Variants in LRRTM4 observed in about 807,000 individuals in gnomAD.
LRRTM4 encodes leucine-rich repeat transmembrane neuronal protein 4.
In LRRTM4, 25 loss-of-function variants were observed where a neutral mutation model predicts 47.6. The ratio of observed to expected loss-of-function variants is 0.53; its 90% confidence interval spans 0.38 to 0.73. LRRTM4 has a LOEUF of 0.73. Among genes scored for constraint, LRRTM4 ranks in the 30% least tolerant of loss-of-function variants. The pLI is 0.00. For missense variants in LRRTM4, 638 were observed against 713.4 expected (o/e 0.89, Z 1.20); for synonymous variants, 311 against 269.5 (o/e 1.15, Z -1.51).
At chr2:76,823,148 T>A (rs1264047964) in intron 3 of LRRTM4, among the ~76,000 whole-genome samples, 2 of 151,382 alleles carry the variant, frequency 1.3e-5, no homozygotes, top group African/African-American at 4.8e-5. Flanking sequence ...CATATTAATC[T>A]TGATGCCATG....
At chr2:76,911,435 C>A (rs925235824) in intron 3 of LRRTM4, among the ~76,000 whole-genome samples, 7 of 152,198 alleles carry the variant, frequency 4.6e-5, no homozygotes, top group African/African-American at 1.7e-4. Flanking sequence ...TTACATCAAT[C>A]TGATATAAAT....
At chr2:77,470,966 C>T (rs1677166676) in intron 3 of LRRTM4, among the ~76,000 whole-genome samples, 1 of 152,054 alleles carries the variant, frequency 6.6e-6, no homozygotes, top group South Asian at 2.1e-4. Context: ...TCTCTCAGTG[C>T]TTCTTGCTTG....
chr2:76,819,527 G>C (rs1007512990), intron 3 of LRRTM4, among the ~76,000 whole-genome samples: 1 of 151,828 alleles, frequency 6.6e-6, no homozygotes, highest in Non-Finnish European at 1.5e-5. Context: ...CTGTTGATAG[G>C]TGAAGTACTT....
chr2:76,811,602 T>C (rs1300256455), intron 3 of LRRTM4, among the ~76,000 whole-genome samples: 3 of 152,176 alleles, frequency 2.0e-5, no homozygotes, highest in Non-Finnish European at 4.4e-5. Flanking sequence ...GCCATGTACA[T>C]GTCAGCAGGT....
chr2:77,302,917 G>A (rs1677169127), intron 3 of LRRTM4, among the ~76,000 whole-genome samples: 1 of 152,156 alleles, frequency 6.6e-6, no homozygotes, highest in South Asian at 2.1e-4. Context: ...CATGGCATGG[G>A]TGGGAGGGTA....
intron 3 of LRRTM4, among the ~76,000 whole-genome samples, chr2:77,366,227 A>G (rs1006156636): frequency 6.6e-6 from 1 of 151,854 alleles, no homozygotes; most frequent in African/African-American, 2.4e-5. Flanking sequence ...AACAGTATTA[A>G]CAGATCTAAT....
intron 3 of LRRTM4, among the ~76,000 whole-genome samples, chr2:77,141,578 A>C (rs1218913516): frequency 6.6e-6 from 1 of 152,180 alleles, no homozygotes; most frequent in Non-Finnish European, 1.5e-5. Context: ...TATGTAACAA[A>C]CCTGCACGTT....
chr2:76,914,039 AAAT>A (rs1434259544), intron 3 of LRRTM4, among the ~76,000 whole-genome samples: 1 of 151,648 alleles, frequency 6.6e-6, no homozygotes, highest in African/African-American at 2.4e-5. Flanking sequence ...TAATTATATA[AAAT>A]AATATTTTAT....
chr2:77,354,616 A>G (rs1671904471), intron 3 of LRRTM4, among the ~76,000 whole-genome samples: 1 of 152,116 alleles, frequency 6.6e-6, no homozygotes, highest in South Asian at 2.1e-4. Context: ...GGACCATGAA[A>G]GTAAAAAAAG....
At chr2:77,140,457 C>G (rs1404848344) in intron 3 of LRRTM4, among the ~76,000 whole-genome samples, 1 of 152,124 alleles carries the variant, frequency 6.6e-6, no homozygotes, top group Non-Finnish European at 1.5e-5. Flanking sequence ...TTCCTTACAC[C>G]TTATACAAAA....
Position 77,067,686 on chromosome 2 carries a change from T to TGTAC in LRRTM4, c.1552-318771_1552-318770insGTAC, listed in dbSNP as rs1319232118. Among the ~76,000 whole-genome samples the TGTAC allele has an allele frequency of 4.3e-5, 6 of 140,808 alleles. No individual in the cohort carries two copies. In the East Asian group the frequency reaches 6.5e-4, roughly 15 times the overall value. The allele number at this position is 140,808 out of a possible 152,430, so 92.4% of individuals were successfully genotyped here. ...ACGGTGATTGGTTTTCAAAGATACG[T>TGTAC]ACACACACACACACACACACACACA... On this transcript the variant is annotated intron_variant, in intron 3 of 3. Coordinates refer to ENST00000409884, the MANE Select transcript of LRRTM4 (RefSeq NM_001134745.3).
chr2:77,327,018 A>T (rs1670801276), intron 3 of LRRTM4, among the ~76,000 whole-genome samples: 1 of 152,156 alleles, frequency 6.6e-6, no homozygotes, highest in Admixed American at 6.6e-5. Context: ...TTGTGGGCAA[A>T]AGGATGTTTG....
chr2:77,182,686 T>C (rs1573048021), intron 3 of LRRTM4, among the ~76,000 whole-genome samples: 1 of 152,310 alleles, frequency 6.6e-6, no homozygotes, highest in East Asian at 1.9e-4. Flanking sequence ...CTGATTGCCC[T>C]GGCCAGAACT....
At chr2:76,907,887 G>A (rs1183235393) in intron 3 of LRRTM4, among the ~76,000 whole-genome samples, 12 of 144,344 alleles carry the variant, frequency 8.3e-5, no homozygotes, top group African/African-American at 3.2e-4. Context: ...GGACCAGATG[G>A]ATTTACAGCT....
chr2:77,149,948 G>T (rs1301809904), intron 3 of LRRTM4, among the ~76,000 whole-genome samples: 3 of 152,250 alleles, frequency 2.0e-5, no homozygotes, highest in African/African-American at 2.4e-5. Context: ...AAGATAATCA[G>T]TGTGGTCCTC....
chr2:77,170,003 G>T (rs1673000610), intron 3 of LRRTM4, among the ~76,000 whole-genome samples: 1 of 152,102 alleles, frequency 6.6e-6, no homozygotes, highest in African/African-American at 2.4e-5. Context: ...TGAATTCATT[G>T]AGTTTTATAT....
intron 3 of LRRTM4, among the ~76,000 whole-genome samples, chr2:76,950,784 A>G (rs2103885351): frequency 1.3e-5 from 2 of 152,122 alleles, no homozygotes; most frequent in African/African-American, 4.8e-5. Flanking sequence ...GAGCAGTTGT[A>G]GGTACTTTTT....
At chr2:76,904,348 G>A (rs1448938633) in intron 3 of LRRTM4, among the ~76,000 whole-genome samples, 1 of 152,164 alleles carries the variant, frequency 6.6e-6, no homozygotes, top group Non-Finnish European at 1.5e-5. Context: ...TTCAGAGATT[G>A]TTATTCGAGG....
At chr2:77,357,653 C>G (rs1001830168) in intron 3 of LRRTM4, among the ~76,000 whole-genome samples, 3 of 152,150 alleles carry the variant, frequency 2.0e-5, no homozygotes, top group African/African-American at 7.2e-5. Flanking sequence ...GGTGTCATCA[C>G]AGCACACTTG....
Sources: allele counts gnomAD v4.1 joint callset (sites outside exome capture counted in the v4.1 genomes callset), GRCh38; gene constraint gnomAD v4.1.1; transcripts MANE v1.5; gene names NCBI Gene and HGNC (gene_info 2026-07-23, HGNC 2026-07-21).